The following DST variants were observed in gnomAD, a reference collection of about 807,000 sequenced individuals.
DST encodes dystonin.
Under a neutral mutation model 875.2 loss-of-function variants are expected in DST, and 253 were observed. The observed-to-expected ratio is 0.29, with a 90% CI of 0.26 to 0.32. The LOEUF (loss-of-function observed/expected upper bound fraction) is 0.32. Ranked by LOEUF, DST falls within the 10% of genes least tolerant of loss-of-function variation. The pLI, the probability that DST is intolerant of heterozygous loss-of-function variation, is 1.00. For missense variants in DST, 8,287 were observed against 9,111.6 expected (o/e 0.91, Z 3.68); for synonymous variants, 3,124 against 3,197.1 (o/e 0.98, Z 0.77).
Position 56,458,317 on chromosome 6 carries a change from GTGCT to G in DST, c.*684_*687del, listed in dbSNP as rs1389063307. The G allele has an allele frequency of 6.6e-6, 1 of 152,524 alleles. No homozygotes were observed. The highest frequency in any genetic ancestry group is 1.5e-5 in the Non-Finnish European group (1 of 68,026). The allele number at this position is 152,524 out of a possible 1,614,324, so 9.4% of individuals were successfully genotyped here. A position where few individuals can be genotyped will look rare whatever the true frequency, so the allele number is the denominator to read the frequency against. ...ATACAAAATGAGTTCAATGATACAG[GTGCT>G]ACTGTCCACTCAAGCAAAAGAAAAC... is the stretch of plus-strand genomic sequence containing the variant. On this transcript the variant is annotated 3_prime_UTR_variant, in exon 104 of 104. Transcript: ENST00000680361.
chr6:56,626,707 G>A (rs768596646), intron 34 of DST, among the ~76,000 whole-genome samples: 1 of 152,110 alleles, frequency 6.6e-6, no homozygotes, highest in Admixed American at 6.6e-5. Context: ...AAACATGTAG[G>A]GTGGTCGGGT....
In DST at chr6:56,528,916, C is replaced by A; in HGVS notation, c.17605G>T (p.Glu5869Ter). Residue 5869 changes from glutamate (E) to a stop codon, truncating the protein, a stop_gained, in exon 67 of 104, where the codon GAG becomes TAG. Transcript: ENST00000680361. LOFTEE classifies it high-confidence loss of function. ...TTTTGTTTCCTGAGTAAGATGTCCT[C>A]TTGCAGAACCTGAAAACACAGGTAC... Reference protein sequence around the residue: ...KQQSELRVLQEDILLRKQNVD... With the variant: ...KQQSELRVLQ 6.3e-7 allele frequency: 1 copy of A among 1,579,990 alleles called. No homozygotes were observed. The highest frequency in any genetic ancestry group is 2.3e-5 in the East Asian group (1 of 44,108).
intron 3 of DST, among the ~76,000 whole-genome samples, chr6:56,865,122 T>C (rs1451931383): frequency 6.6e-6 from 1 of 152,128 alleles, no homozygotes; most frequent in Non-Finnish European, 1.5e-5. Flanking sequence ...TTTCTGACAA[T>C]CACAGAGACA....
At chr6:56,503,819 CTTTA>C (rs1453306604) in intron 78 of DST, among the ~76,000 whole-genome samples, 174 bp downstream of exon 78, 4 of 152,040 alleles carry the variant, frequency 2.6e-5, no homozygotes, top group Non-Finnish European at 5.9e-5. Flanking sequence ...TATTTCTTTC[CTTTA>C]TTTAAAGAAC....
chr6:56,925,918 C>G (rs544812921), intron 2 of DST, among the ~76,000 whole-genome samples: 1 of 152,060 alleles, frequency 6.6e-6, no homozygotes, highest in Non-Finnish European at 1.5e-5. Flanking sequence ...CAAAATTTCC[C>G]GATCCAAAAG....
intron 2 of DST, among the ~76,000 whole-genome samples, chr6:56,926,515 A>G (rs576650087): frequency 6.6e-6 from 1 of 152,338 alleles, no homozygotes; most frequent in Non-Finnish European, 1.5e-5. Context: ...AGCCAAGGCC[A>G]TCGCTTCAAA....
intron 58 of DST, among the ~76,000 whole-genome samples, chr6:56,559,601 C>T (rs1353779068): frequency 6.6e-6 from 1 of 152,088 alleles, no homozygotes; most frequent in Non-Finnish European, 1.5e-5. Flanking sequence ...TACACATTAA[C>T]TTATTGGGTT....
intron 10 of DST, among the ~76,000 whole-genome samples, chr6:56,658,133 G>A (rs757327688): frequency 2.0e-5 from 3 of 152,068 alleles, no homozygotes; most frequent in Non-Finnish European, 2.9e-5. Context: ...CGCAATCTCG[G>A]CTCACTGCAA....
Position 56,851,549 on chromosome 6 carries a change from T to A in DST, c.473A>T (p.Asp158Val). ...AGATTTCTGGCTGAAATCATCCTCA[T>A]CGGAAAAATCCGCAGAGGAAGACAT... Reference protein sequence around the residue: ...CSMSSSADFSDEDDFSQKSGS... With the variant: ...CSMSSSADFSVEDDFSQKSGS... Residue 158 changes from aspartate to valine, a missense_variant, in exon 4 of 104, where the codon GAT (aspartate) becomes GTT (valine). Transcript: ENST00000680361. 1.9e-6 allele frequency: 3 copies of A among 1,613,942 alleles called. No individual in the cohort carries two copies. The highest frequency in any genetic ancestry group is 2.5e-6 in the Non-Finnish European group (3 of 1,179,886).
chr6:56,490,588 C>A (rs1215806851), intron 85 of DST, among the ~76,000 whole-genome samples: 1 of 152,076 alleles, frequency 6.6e-6, no homozygotes, highest in Non-Finnish European at 1.5e-5. Context: ...ATCCCTCTCA[C>A]AACTTTAATC....
At chr6:56,834,472 C>T (rs1444011740) in intron 4 of DST, among the ~76,000 whole-genome samples, 2 of 152,156 alleles carry the variant, frequency 1.3e-5, no homozygotes, top group Non-Finnish European at 2.9e-5. Flanking sequence ...TGGCGGATGC[C>T]TGTAATCCCA....
intron 2 of DST, among the ~76,000 whole-genome samples, chr6:56,937,355 A>T (rs1483089884): frequency 6.6e-6 from 1 of 152,220 alleles, no homozygotes; most frequent in Non-Finnish European, 1.5e-5. Flanking sequence ...CAATGGACAA[A>T]AGATTTGAAC....
intron 2 of DST, among the ~76,000 whole-genome samples, chr6:56,952,391 T>C (rs575936355): frequency 6.6e-6 from 1 of 152,320 alleles, no homozygotes. Flanking sequence ...AAATCTTATA[T>C]TTTGGTGTTT....
intron 3 of DST, among the ~76,000 whole-genome samples, chr6:56,867,790 G>A (rs1193192098): frequency 2.0e-5 from 3 of 151,368 alleles, no homozygotes; most frequent in South Asian, 2.1e-4. Flanking sequence ...CCGAGACCGC[G>A]CCACTGCACT....
At chr6:56,463,508 G>A (rs2094438387) in intron 101 of DST, 57 bp downstream of exon 101, 9 of 1,435,744 alleles carry the variant, frequency 6.3e-6, no homozygotes, top group Non-Finnish European at 7.5e-6. Context: ...ACATTCAAAA[G>A]TCTACTTGGG....
chr6:56,782,226 T>A (rs1043789817), intron 4 of DST, among the ~76,000 whole-genome samples: 1 of 152,242 alleles, frequency 6.6e-6, no homozygotes, highest in Non-Finnish European at 1.5e-5. Flanking sequence ...ATCAGGATGA[T>A]GCTGGCCTCA....
Position 56,492,271 on chromosome 6 carries a change from C to G in DST, c.20713G>C (p.Glu6905Gln). Residue 6905 changes from glutamate (E) to glutamine (Q), a missense_variant, in exon 85 of 104, where the codon GAG (glutamate) becomes CAG (glutamine). This residue lies in a region of DST where 1,292 missense variants were observed against 1,552.7 expected (regional missense o/e 0.83). Transcript: ENST00000680361. ...GCATCATCCAAAGATCTTCCTCTCT[C>G]TACCAACCGTTGAACCACTTTTTCC... Reference protein sequence around the residue: ...RWEKVVQRLVERGRSLDDARK... With the variant: ...RWEKVVQRLVQRGRSLDDARK... 1.2e-6 allele frequency: 2 copies of G among 1,613,922 alleles called. No individual in the cohort carries two copies. Among genetic ancestry groups the G allele is most frequent in the Non-Finnish European group, 1.7e-6 (2 of 1,179,818 alleles).
intron 4 of DST, among the ~76,000 whole-genome samples, chr6:56,811,183 CAAAAAAAAAAAA>C (rs371256050): frequency 4.8e-4 from 16 of 33,328 alleles, no homozygotes; most frequent in Non-Finnish European, 6.3e-4. Flanking sequence ...GACCCTGTCT[CAAAAAAAAAAAA>C]AAAAAAAAAA....
In DST at chr6:56,640,054, G is replaced by C; in HGVS notation, c.2494C>G (p.Gln832Glu). 6.2e-7 allele frequency: 1 copy of C among 1,614,018 alleles called. No homozygotes were observed. The highest frequency in any genetic ancestry group is 8.5e-7 in the Non-Finnish European group (1 of 1,179,986). ...LLNWVDEMQV[Q>E]LDRTEWGSDL... ...GAGCCCCACTCAGTGCGGTCCAGTT[G>C]TACCTTCAGACAGTAAAATACTAAG... Residue 832 changes from glutamine to glutamate, a missense_variant, in exon 19 of 104, where the codon CAA becomes GAA. Gln to Glu is a conservative substitution (Grantham distance 29). Around this residue, in one of 10 missense-constraint regions of DST, gnomAD observed 1,160 missense variants for 1,424.3 expected, o/e 0.81. Transcript: ENST00000680361.
Sources: allele counts gnomAD v4.1 joint callset (sites outside exome capture counted in the v4.1 genomes callset), GRCh38; gene constraint gnomAD v4.1.1; regional missense constraint gnomAD v4.1.1; transcripts MANE v1.5; gene names NCBI Gene and HGNC (gene_info 2026-07-23, HGNC 2026-07-21).